The following TRMU variants were observed in gnomAD, a reference collection of about 807,000 sequenced individuals.
The protein encoded by TRMU is tRNA mitochondrial 2-thiouridylase.
A neutral mutation model predicts 46.9 loss-of-function variants in TRMU; 49 were observed. That is an observed-to-expected ratio of 1.05 (90% CI 0.83 to 1.33). The LOEUF is 1.33. Among genes scored for constraint, TRMU ranks in the 40% most tolerant of loss-of-function variants. TRMU has a pLI of 0.00. For missense variants in TRMU, 572 were observed against 532.4 expected (o/e 1.07, Z -0.73); for synonymous variants, 241 against 200.9 (o/e 1.20, Z -1.69).
rs2078635167 is a variant in TRMU, at chr22:46,357,037, G to T, written c.*31G>T. ...ATGGATCTGCTAGAAGGAACCTGGA[G>T]AGCAGGACCCATGGCTGGGCGGCTG... On this transcript the variant is annotated 3_prime_UTR_variant, in exon 11 of 11. Coordinates refer to ENST00000645190, the MANE Select transcript of TRMU (RefSeq NM_018006.5). 1 of 1,612,662 alleles carries T rather than the reference G, an allele frequency of 6.2e-7. No homozygotes were observed. Among genetic ancestry groups the T allele is most frequent in the African/African-American group, 1.3e-5 (1 of 74,940 alleles).
chr22:46,355,343 GTGTGTGTGCTGGTAGGACAGT>G, intron 8 of TRMU, 80 bp from the exon 9 acceptor site: 1 of 1,513,816 alleles, frequency 6.6e-7, no homozygotes, highest in Admixed American at 1.9e-5. Flanking sequence ...TTACCTGTGT[GTGTGTGTGCTGGTAGGACAGT>G]TGTTCCCAGG....
rs1049684320 is a variant in TRMU at position 46,342,370 on chromosome 22, T to C, written c.249-892T>C. Among the ~76,000 whole-genome samples, 2 of 151,820 alleles carry C rather than the reference T, an allele frequency of 1.3e-5. No homozygotes were observed. The highest frequency in any genetic ancestry group is 4.8e-5 in the African/African-American group (2 of 41,322). On this transcript the variant is annotated intron_variant, in intron 2 of 10. Coordinates refer to ENST00000645190, the MANE Select transcript of TRMU (RefSeq NM_018006.5). This position sits in a 1 kb window ranked among gnomAD's most constrained non-coding sequence, Gnocchi z 4.7. Reference sequence around the variant, plus strand: ...GAGGTATGGGGAAAGGGTCATGGAGTGTCCACACCCTCCCTGGGGACCACC... The same window carrying C: ...GAGGTATGGGGAAAGGGTCATGGAGCGTCCACACCCTCCCTGGGGACCACC...
At position 46,336,213 on chromosome 22, in the gene TRMU, G is replaced by T; in HGVS notation, c.82+367G>T. Reference sequence around the variant, plus strand: ...CGTGGACACTGGTGAGGGGAGCTGGGATCGCCGGGCCGGGGGCCTGACCTC... The same window carrying T: ...CGTGGACACTGGTGAGGGGAGCTGGTATCGCCGGGCCGGGGGCCTGACCTC... On this transcript the variant is annotated intron_variant, in intron 1 of 10. Transcript: ENST00000645190. This position sits in a 1 kb window ranked among gnomAD's most constrained non-coding sequence, Gnocchi z 4.1. 9.4e-7 allele frequency: 1 copy of T among 1,066,800 alleles called. No individual in the cohort carries two copies. The highest frequency in any genetic ancestry group is 1.2e-6 in the Non-Finnish European group (1 of 862,940). 66.1% of individuals were successfully genotyped at this position (1,066,800 alleles called of 1,614,324 possible).
At chr22:46,355,273 G>A in intron 8 of TRMU, 171 bp from the exon 9 acceptor site, 1 of 1,025,440 alleles carries the variant, frequency 9.8e-7, no homozygotes, top group East Asian at 2.6e-5. Context: ...GGATTCAAAG[G>A]CCCGGCGGGT....
In TRMU at chr22:46,356,070, C is replaced by G. The variant is rs749508862; in HGVS notation, c.1099C>G (p.Gln367Glu). The change falls in exon 10 of 11, where the codon CAG becomes GAG. Residue 367 changes from glutamine (Q) to glutamate (E), a missense_variant and splice_region_variant. Coordinates refer to ENST00000645190, the MANE Select transcript of TRMU (RefSeq NM_018006.5). Reference protein sequence around the residue: ...VQAVRALATGQFAVFYKGDEC... With the variant: ...VQAVRALATGEFAVFYKGDEC... ...GGCTGTGCGTGCCCTTGCCACAGGA[C>G]AGGTGCGTGGGGTGTGGGGGTGAGC... The G allele has an allele frequency of 3.7e-6, 6 of 1,613,916 alleles. No individual in the cohort carries two copies. The highest frequency in any genetic ancestry group is 4.2e-6 in the Non-Finnish European group (5 of 1,179,970).
chr22:46,352,358 T>G (rs1277307643), intron 7 of TRMU, 28 bp downstream of exon 7: 3 of 1,612,566 alleles, frequency 1.9e-6, no homozygotes, highest in Non-Finnish European at 2.5e-6. Flanking sequence ...CCACTTGTCA[T>G]CTGAAATGCC....
Position 46,342,812 on chromosome 22 carries a change from T to C in TRMU, c.249-450T>C, listed in dbSNP as rs1256616043. On this transcript the variant is annotated intron_variant, in intron 2 of 10. Coordinates refer to ENST00000645190, the MANE Select transcript of TRMU (RefSeq NM_018006.5). This position sits in a 1 kb window ranked among gnomAD's most constrained non-coding sequence, Gnocchi z 4.7. ...GTCTCTACTAAAAATACAAAAATTA[T>C]CTGGGCATGGTGCTGCGCACCTGTA... 3.3e-5 allele frequency among the ~76,000 whole-genome samples: 5 copies of C among 152,232 alleles called. No individual in the cohort carries two copies. Among genetic ancestry groups the C allele is most frequent in the African/African-American group, 1.2e-4 (5 of 41,458 alleles).
chr22:46,341,736 A>G (rs765497179), intron 2 of TRMU, among the ~76,000 whole-genome samples: 4 of 152,252 alleles, frequency 2.6e-5, no homozygotes, highest in Non-Finnish European at 5.9e-5. Flanking sequence ...TGCTGGTATC[A>G]TGGCATCTTT....
chr22:46,356,687 T>TCAGCAG (rs112946940), intron 10 of TRMU, 155 bp from the exon 11 acceptor site: 500 of 896,590 alleles, frequency 5.6e-4, no homozygotes, highest in Non-Finnish European at 7.9e-4. Context: ...CCTCTCCTGT[T>TCAGCAG]CAGCAGCAGC....
chr22:46,341,845 G>A (rs1027113615), intron 2 of TRMU, among the ~76,000 whole-genome samples: 13 of 152,214 alleles, frequency 8.5e-5, no homozygotes, highest in African/African-American at 2.9e-4. Context: ...TCAGAAGTGT[G>A]TGTTTGTCAC....
chr22:46,352,546 T>C, intron 7 of TRMU: 3 of 622,660 alleles, frequency 4.8e-6, no homozygotes, highest in Non-Finnish European at 5.7e-6. Flanking sequence ...GCTGAGATGC[T>C]GGAGTTCATG....
Position 46,351,048 on chromosome 22 carries a change from G to T in TRMU, c.651+585G>T, listed in dbSNP as rs2078407089. On this transcript the variant is annotated intron_variant, in intron 5 of 10. Coordinates refer to ENST00000645190, the MANE Select transcript of TRMU (RefSeq NM_018006.5). The surrounding 1 kb of genome is among the most constrained non-coding windows in gnomAD (Gnocchi z 6.4). ...GAGGGAGGTGTAGGACCCTGGGTGGGAAGCACCAGTGGGGTCTGAGAGTAG... is the reference window on the plus strand; with the variant it reads ...GAGGGAGGTGTAGGACCCTGGGTGGTAAGCACCAGTGGGGTCTGAGAGTAG... Among the ~76,000 whole-genome samples the T allele has an allele frequency of 1.3e-5, 2 of 152,240 alleles. No homozygotes were observed. The highest frequency in any genetic ancestry group is 4.8e-5 in the African/African-American group (2 of 41,464).
chr22:46,346,689 G>A, intron 4 of TRMU, 145 bp downstream of exon 4: 2 of 1,046,900 alleles, frequency 1.9e-6, no homozygotes, highest in Non-Finnish European at 2.8e-6. Flanking sequence ...CATTTGAAAA[G>A]GTGCAGTTAC....
chr22:46,356,815 C>T (rs1569090792), intron 10 of TRMU, 27 bp from the exon 11 acceptor site: 2 of 1,611,886 alleles, frequency 1.2e-6, no homozygotes, highest in East Asian at 2.2e-5. Context: ...CTGTGGCACC[C>T]CTGATGCCAG....
chr22:46,348,247 C>T lies in TRMU; in HGVS notation c.478+1703C>T. On this transcript the variant is annotated intron_variant, in intron 4 of 10. Transcript: ENST00000645190. The surrounding 1 kb of genome is among the most constrained non-coding windows in gnomAD (Gnocchi z 4.8). The stretch of plus-strand genomic sequence containing the variant: ...CTGCTTACCTCCTAGAACATTACCT[C>T]CTAGAACACTGTGTGCCCTGCAGAG... Among the ~76,000 whole-genome samples, 1 of 152,172 alleles carries T rather than the reference C, an allele frequency of 6.6e-6. No homozygotes were observed. The highest frequency in any genetic ancestry group is 1.5e-5 in the Non-Finnish European group (1 of 68,002).
At position 46,350,303 on chromosome 22, in the gene TRMU, T is replaced by C; in HGVS notation, c.491T>C (p.Leu164Pro). The C allele has an allele frequency of 6.2e-7, 1 of 1,614,232 alleles. No individual in the cohort carries two copies. The highest frequency in any genetic ancestry group is 8.5e-7 in the Non-Finnish European group (1 of 1,180,042). The change falls in exon 5 of 11, where the codon CTC (leucine) becomes CCC (proline). Residue 164 changes from leucine to proline, a missense_variant. By Grantham distance (98) the Leu-to-Pro change is moderately conservative (BLOSUM62 -3). Transcript: ENST00000645190. This position sits in a 1 kb window ranked among gnomAD's most constrained non-coding sequence, Gnocchi z 4.6. ...TTATTCTTGGCAGCGGTAAAACTCC[T>C]CCAGGCAGCTGACAGCTTTAAAGAC... ...RFEVRNAVKLLQAADSFKDQT... is the reference protein window; with the variant it reads ...RFEVRNAVKLPQAADSFKDQT...
intron 7 of TRMU, chr22:46,353,264 C>T: frequency 5.2e-6 from 1 of 193,500 alleles, no homozygotes; most frequent in South Asian, 9.7e-5. Context: ...GTGGTAAATC[C>T]CATGAGGTTC....
rs569951657 is a variant in TRMU at position 46,339,519 on chromosome 22, AAT to A, written c.248+1576_248+1577del. Among the ~76,000 whole-genome samples the A allele has an allele frequency of 2.7e-4, 41 of 152,296 alleles. No individual in the cohort carries two copies. The Middle Eastern group carries it at 0.01, about 38-fold the overall frequency. On this transcript the variant is annotated intron_variant, in intron 2 of 10. Coordinates refer to ENST00000645190, the MANE Select transcript of TRMU (RefSeq NM_018006.5). This position sits in a 1 kb window ranked among gnomAD's most constrained non-coding sequence, Gnocchi z 4.8. ...AGCTATGAGGACGCAAAGGCATAAA[AAT>A]GATATAATGGACTCTGGGGTGAGGG...
chr22:46,355,689 G>T, intron 9 of TRMU, 101 bp downstream of exon 9: 1 of 1,572,182 alleles, frequency 6.4e-7, no homozygotes, highest in Non-Finnish European at 8.7e-7. Context: ...GGAAAGTCCC[G>T]TTGTGGAGAT....
Sources: gnomAD v4.1 joint callset for allele counts (sites outside exome capture counted in the v4.1 genomes callset) on GRCh38, gnomAD v4.1.1 for gene constraint, Gnocchi (gnomAD v3.1) non-coding constraint, MANE v1.5 for transcripts, NCBI Gene and HGNC (gene_info 2026-07-23, HGNC 2026-07-21) for gene names.